The following CR2 variants were observed in gnomAD, a reference collection of about 807,000 sequenced individuals.
CR2 encodes complement C3d receptor 2, also known as complement receptor type 2.
A neutral mutation model predicts 123.0 loss-of-function variants in CR2; 96 were observed. The ratio of observed to expected loss-of-function variants is 0.78; its 90% CI spans 0.66 to 0.93. The LOEUF is 0.93. CR2 is among the 40% of genes least tolerant of loss of function. CR2 has a pLI of 0.00. For missense variants in CR2, 1,258 were observed against 1,361.0 expected (o/e 0.92, Z 1.19); for synonymous variants, 484 against 469.5 (o/e 1.03, Z -0.40).
At chr1:207,467,059 G>C in intron 2 of CR2, 147 bp downstream of exon 2, 1 of 992,040 alleles carries the variant, frequency 1.0e-6, no homozygotes, top group Non-Finnish European at 1.4e-6. Context: ...GAAAGTTATG[G>C]CTTCTTCGTG....
chr1:207,487,064 T>C (rs901662972), intron 19 of CR2, among the ~76,000 whole-genome samples: 7 of 151,888 alleles, frequency 4.6e-5, no homozygotes, highest in African/African-American at 1.7e-4. Context: ...AAAGAAAAGG[T>C]CCAAGTACTG....
At chr1:207,487,037 G>A (rs1217253841) in intron 19 of CR2, among the ~76,000 whole-genome samples, 2 of 152,186 alleles carry the variant, frequency 1.3e-5, no homozygotes, top group Non-Finnish European at 2.9e-5. Flanking sequence ...TCTCCGAGAA[G>A]TGAAAGAGGC....
chr1:207,474,532 G>T (rs923406742), intron 13 of CR2, among the ~76,000 whole-genome samples: 3 of 152,202 alleles, frequency 2.0e-5, no homozygotes, highest in Non-Finnish European at 2.9e-5. Context: ...TGCTAATTTT[G>T]CTAACAATAA....
intron 19 of CR2, among the ~76,000 whole-genome samples, chr1:207,486,067 C>A (rs534905564): frequency 3.3e-5 from 5 of 151,652 alleles, no homozygotes; most frequent in South Asian, 2.1e-4. Flanking sequence ...CCTGTCTCTA[C>A]TAAAAATACA....
At position 207,475,083 on chromosome 1, in the gene CR2, A is replaced by C; in HGVS notation, c.2583A>C (p.Thr861=). 6.2e-7 allele frequency: 1 copy of C among 1,612,902 alleles called. No homozygotes were observed. Among genetic ancestry groups the C allele is most frequent in the African/African-American group, 1.3e-5 (1 of 74,994 alleles). ...EVKHGYKLNK[T]HSAYSHNDIV... The stretch of plus-strand genomic sequence containing the variant: ...AACATGGGTACAAGCTCAATAAAAC[A>C]CATTCTGCATATTCCCACAATGACA... Residue 861 remains threonine (T), a synonymous_variant, in exon 14 of 20, where the codon ACA becomes ACC. Coordinates refer to ENST00000367057, the MANE Select transcript of CR2 (RefSeq NM_001006658.3).
Position 207,460,569 on chromosome 1 carries a change from C to CT in CR2, c.59-5950dup, listed in dbSNP as rs796068907. Reference sequence around the variant, plus strand: ...GGAGGGCCTTACAACTGAGTACTTTCTTTTTTTGCCTGGACTACCATCTGA... The same window carrying CT: ...GGAGGGCCTTACAACTGAGTACTTTCTTTTTTTTGCCTGGACTACCATCTGA... On this transcript the variant is annotated intron_variant, in intron 1 of 19. Coordinates refer to ENST00000367057, the MANE Select transcript of CR2 (RefSeq NM_001006658.3). Among the ~76,000 whole-genome samples, 19 of 152,212 alleles carry CT rather than the reference C, an allele frequency of 1.2e-4. 1 individual carries two copies. Among genetic ancestry groups the CT allele is most frequent in the African/African-American group, 4.6e-4 (19 of 41,532 alleles).
intron 15 of CR2, 88 bp downstream of exon 15, chr1:207,476,507 C>A: frequency 8.7e-7 from 1 of 1,150,320 alleles, no homozygotes; most frequent in Non-Finnish European, 1.3e-6. Context: ...TTAAAATAGC[C>A]AAAGAAATGA....
chr1:207,489,153 G>T lies in CR2; in HGVS notation c.*30G>T, dbSNP rs1658824046. On this transcript the variant is annotated 3_prime_UTR_variant, in exon 20 of 20. Transcript: ENST00000367057. ...ATGATCTATTTCAGTGTGCCTCATTGCTTGGAATTCAGCGGAATATTGATT... is the reference window on the plus strand; with the variant it reads ...ATGATCTATTTCAGTGTGCCTCATTTCTTGGAATTCAGCGGAATATTGATT... 2 of 152,218 alleles carry T rather than the reference G, an allele frequency of 1.3e-5. No individual in the cohort carries two copies. The highest frequency in any genetic ancestry group is 6.5e-5 in the Admixed American group (1 of 15,280). The allele number at this position is 152,218 out of a possible 1,614,324, so 9.4% of individuals were successfully genotyped here. A position where few individuals can be genotyped will look rare whatever the true frequency, so the allele number is the denominator to read the frequency against.
rs80315759 is a variant in CR2, at chr1:207,469,081, G to T, written c.735-69G>T. ...GATTGAAATGAACTTGTCTTGAATT[G>T]TAAGTAGAGGCTGCTGTTCTTCAGC... On this transcript the variant is annotated intron_variant, in intron 4 of 19. Transcript: ENST00000367057. 221 of 1,429,656 alleles carry T rather than the reference G, an allele frequency of 1.5e-4. No individual in the cohort carries two copies. The African/African-American group carries it at 2.7e-3, about 17-fold the overall frequency. 88.6% of individuals were successfully genotyped at this position (1,429,656 alleles called of 1,614,324 possible).
intron 5 of CR2, 50 bp from the exon 6 acceptor site, chr1:207,469,645 T>C (rs1256387380): frequency 1.9e-6 from 3 of 1,564,066 alleles, no homozygotes; most frequent in Non-Finnish European, 2.6e-6. Context: ...GGGCATTCTT[T>C]GTTTTCAATA....
At chr1:207,482,574 G>A (rs1658634071) in intron 18 of CR2, among the ~76,000 whole-genome samples, 1 of 152,110 alleles carries the variant, frequency 6.6e-6, no homozygotes, top group Non-Finnish European at 1.5e-5. Flanking sequence ...AAGCCTAGTA[G>A]CATATGGCCT....
Position 207,473,078 on chromosome 1 carries a change from T to C in CR2, c.1877T>C (p.Val626Ala). 6.2e-7 allele frequency: 1 copy of C among 1,613,954 alleles called. No individual in the cohort carries two copies. The highest frequency in any genetic ancestry group is 8.5e-7 in the Non-Finnish European group (1 of 1,179,886). The change falls in exon 10 of 20, where the codon GTG (valine) becomes GCG (alanine). Residue 626 changes from valine (V) to alanine (A), a missense_variant. Coordinates refer to ENST00000367057, the MANE Select transcript of CR2 (RefSeq NM_001006658.3). ...KEAPYFYNDTVTFKCYSGFTL... is the reference protein window; with the variant it reads ...KEAPYFYNDTATFKCYSGFTL... The stretch of plus-strand genomic sequence containing the variant: ...GCCCCATATTTCTACAATGACACTG[T>C]GACATTCAAGTGTTATAGTGGATTT...
At chr1:207,479,108 G>A (rs1452258089) in intron 16 of CR2, 149 bp from the exon 17 acceptor site, 7 of 675,088 alleles carry the variant, frequency 1.0e-5, no homozygotes, top group Non-Finnish European at 1.6e-5. Context: ...ACAGGCATGT[G>A]CCACTGTGCC....
intron 16 of CR2, 35 bp downstream of exon 16, chr1:207,478,105 G>T: frequency 6.2e-7 from 1 of 1,600,290 alleles, no homozygotes; most frequent in Non-Finnish European, 8.5e-7. Flanking sequence ...GCTTGTAACT[G>T]GCTAACGGAG....
At chr1:207,455,276 C>T (rs1657805625) in intron 1 of CR2, among the ~76,000 whole-genome samples, 1 of 152,202 alleles carries the variant, frequency 6.6e-6, no homozygotes, top group Non-Finnish European at 1.5e-5. Context: ...AAGACGTTTA[C>T]TGTGTGCAGA....
chr1:207,484,543 C>T lies in CR2; in HGVS notation c.3189-921C>T, dbSNP rs1014474769. ...TAAGATATTGTAACAAAGCTTAAATCTCACATTGACCTAAAAATTACTGTT... is the reference window on the plus strand; with the variant it reads ...TAAGATATTGTAACAAAGCTTAAATTTCACATTGACCTAAAAATTACTGTT... On this transcript the variant is annotated intron_variant, in intron 18 of 19. Transcript: ENST00000367057. Among the ~76,000 whole-genome samples, 3 of 152,340 alleles carry T rather than the reference C, an allele frequency of 2.0e-5. No homozygotes were observed. The East Asian group carries it at 5.8e-4, about 29-fold the overall frequency.
Position 207,466,783 on chromosome 1 carries a change from A to G in CR2, c.316A>G (p.Thr106Ala). ...VPGGYKIRGS[T>A]PYRHGDSVTF... ...AGGAGGATACAAAATTAGAGGCTCT[A>G]CACCCTACAGACATGGTGATTCTGT... Residue 106 changes from threonine (T) to alanine (A), a missense_variant, in exon 2 of 20, where the codon ACA (threonine) becomes GCA (alanine). By Grantham distance (58) the Thr-to-Ala change is moderately conservative. Coordinates refer to ENST00000367057, the MANE Select transcript of CR2 (RefSeq NM_001006658.3). 1.2e-6 allele frequency: 2 copies of G among 1,614,148 alleles called. No homozygotes were observed. The highest frequency in any genetic ancestry group is 1.7e-6 in the Non-Finnish European group (2 of 1,179,996).
Position 207,479,266 on chromosome 1 carries a change from C to T in CR2, c.3098C>T (p.Ala1033Val). The change falls in exon 17 of 20, where the codon GCT becomes GTT. Residue 1033 changes from alanine to valine, a missense_variant. Transcript: ENST00000367057. ...TTTGTACTATTTTTAGGTTCACTTG[C>T]TCCTGTCCTTTGTGGTAAGTCTTCT... Reference protein sequence around the residue: ...PLAVCRSRSLAPVLCGIAAGL... With the variant: ...PLAVCRSRSLVPVLCGIAAGL... The T allele has an allele frequency of 6.3e-7, 1 of 1,598,760 alleles. No homozygotes were observed. The highest frequency in any genetic ancestry group is 2.2e-5 in the East Asian group (1 of 44,792).
intron 18 of CR2, among the ~76,000 whole-genome samples, chr1:207,480,847 A>T (rs943438176): frequency 6.6e-6 from 1 of 152,030 alleles, no homozygotes; most frequent in Non-Finnish European, 1.5e-5. Context: ...TTCACACTAC[A>T]ATTTTATAGG....
Sources: allele counts gnomAD v4.1 joint callset (sites outside exome capture counted in the v4.1 genomes callset), GRCh38; gene constraint gnomAD v4.1.1; transcripts MANE v1.5; gene names NCBI Gene and HGNC (gene_info 2026-07-23, HGNC 2026-07-21).